PKHD1: variants seen among roughly 807,000 people sequenced by gnomAD.
PKHD1 encodes the protein PKHD1 ciliary IPT domain containing fibrocystin/polyductin.
Under a neutral mutation model 412.0 loss-of-function variants are expected in PKHD1, and 291 were observed. That is an observed-to-expected ratio of 0.71 (90% CI 0.64 to 0.78). PKHD1 has a LOEUF of 0.78. PKHD1 is among the 30% of genes least tolerant of loss of function. The pLI is 0.00. For missense variants in PKHD1, 4,825 were observed against 4,950.7 expected, an observed-to-expected ratio of 0.97 and a Z score of 0.76; for synonymous variants, 1,777 against 1,821.5, an observed-to-expected ratio of 0.98 and a Z score of 0.62.
chr6:52,045,313 G>C (rs1038069154), intron 24 of PKHD1, among the ~76,000 whole-genome samples: 2 of 152,214 alleles, frequency 1.3e-5, no homozygotes, highest in African/African-American at 4.8e-5. Context: ...ATTGCCAAAA[G>C]AGGTACAATA....
At chr6:51,870,938 A>G (rs1775897975) in intron 46 of PKHD1, among the ~76,000 whole-genome samples, 1 of 152,186 alleles carries the variant, frequency 6.6e-6, no homozygotes, top group African/African-American at 2.4e-5. Flanking sequence ...AAAATGTTCA[A>G]CATCATTATT....
At chr6:51,907,159 G>A (rs1012394940) in intron 40 of PKHD1, among the ~76,000 whole-genome samples, 1 of 152,094 alleles carries the variant, frequency 6.6e-6, no homozygotes, top group Non-Finnish European at 1.5e-5. Flanking sequence ...TCCATTATTT[G>A]AATAATTAAA....
intron 14 of PKHD1, among the ~76,000 whole-genome samples, chr6:52,060,788 T>C (rs145362561): frequency 4.2e-4 from 64 of 152,278 alleles, no homozygotes; most frequent in African/African-American, 1.4e-3. Flanking sequence ...ATCTTTATTT[T>C]TGAGATAATT....
At chr6:51,966,885 T>TTG (rs1792886566) in intron 35 of PKHD1, among the ~76,000 whole-genome samples, 5 of 149,882 alleles carry the variant, frequency 3.3e-5, no homozygotes, top group African/African-American at 1.2e-4. Context: ...GAGACTGCTC[T>TTG]GATTGGATTG....
intron 36 of PKHD1, among the ~76,000 whole-genome samples, chr6:51,938,735 A>G (rs1198684639): frequency 3.3e-5 from 5 of 151,544 alleles, no homozygotes; most frequent in Non-Finnish European, 7.4e-5. Flanking sequence ...TGGGAGATCA[A>G]TCCCCTGTCC....
At chr6:51,733,606 C>T (rs1455950445) in intron 60 of PKHD1, among the ~76,000 whole-genome samples, 3 of 151,484 alleles carry the variant, frequency 2.0e-5, no homozygotes, top group African/African-American at 4.9e-5. Context: ...AAAACATAAG[C>T]CAGTCTAAAA....
At chr6:51,713,724 A>G (rs1167385267) in intron 60 of PKHD1, among the ~76,000 whole-genome samples, 1 of 151,904 alleles carries the variant, frequency 6.6e-6, no homozygotes, top group African/African-American at 2.4e-5. Context: ...GCTATTTAAG[A>G]TTTCTCTGGT....
rs149174978 is a variant in PKHD1 at position 51,787,987 on chromosome 6, G to A, written c.8440+3249C>T. On this transcript the variant is annotated intron_variant, in intron 53 of 66. Coordinates refer to ENST00000371117, the MANE Select transcript of PKHD1 (RefSeq NM_138694.4). ...GATTTTACAGAATAGTAAACAAATG[G>A]GCAAATGGCAGTAATCTGTGAGGAA... 3.3e-5 allele frequency among the ~76,000 whole-genome samples: 5 copies of A among 152,186 alleles called. No individual in the cohort carries two copies. In the East Asian group the frequency reaches 9.7e-4, roughly 29 times the overall value.
chr6:51,666,813 C>A (rs562299169), intron 60 of PKHD1, among the ~76,000 whole-genome samples: 1 of 151,134 alleles, frequency 6.6e-6, no homozygotes, highest in African/African-American at 2.4e-5. Context: ...TTTGTTCTTG[C>A]GATAGTTTAC....
chr6:51,645,759 T>C (rs1385895707), intron 63 of PKHD1, among the ~76,000 whole-genome samples: 1 of 152,216 alleles, frequency 6.6e-6, no homozygotes, highest in African/African-American at 2.4e-5. Context: ...TCATCTAAAA[T>C]AGCAACACAA....
chr6:51,865,088 C>A (rs1332664505), intron 48 of PKHD1, among the ~76,000 whole-genome samples: 7 of 152,132 alleles, frequency 4.6e-5, no homozygotes, highest in African/African-American at 1.7e-4. Flanking sequence ...CTACCCCTGT[C>A]TCACCAGGAA....
chr6:51,994,990 C>G (rs1797553696), intron 35 of PKHD1, among the ~76,000 whole-genome samples: 1 of 152,200 alleles, frequency 6.6e-6, no homozygotes, highest in Non-Finnish European at 1.5e-5. Flanking sequence ...TACCACCTCC[C>G]TCTGTAACTT....
intron 47 of PKHD1, among the ~76,000 whole-genome samples, chr6:51,869,805 A>G (rs1775687387): frequency 6.6e-6 from 1 of 152,114 alleles, no homozygotes; most frequent in Non-Finnish European, 1.5e-5. Flanking sequence ...TAAAGTGGAG[A>G]CTTGTTGATT....
chr6:51,907,985 CAAGG>C (rs1414209519), intron 40 of PKHD1, among the ~76,000 whole-genome samples: 1 of 152,060 alleles, frequency 6.6e-6, no homozygotes, highest in Non-Finnish European at 1.5e-5. Context: ...AAAATTTGAT[CAAGG>C]AAGGGCTTTG....
At chr6:51,848,132 T>C (rs1388252495) in intron 49 of PKHD1, among the ~76,000 whole-genome samples, 162 bp from the exon 50 acceptor site, 1 of 152,150 alleles carries the variant, frequency 6.6e-6, no homozygotes, top group Non-Finnish European at 1.5e-5. Context: ...TTGTGGGAAA[T>C]GGGAATACTT....
intron 36 of PKHD1, among the ~76,000 whole-genome samples, chr6:51,948,692 T>C (rs1454774509): frequency 6.6e-6 from 1 of 152,072 alleles, no homozygotes; most frequent in Admixed American, 6.5e-5. Context: ...TCAAAGTAAA[T>C]GAGGTCTCCC....
intron 60 of PKHD1, among the ~76,000 whole-genome samples, chr6:51,739,252 G>A (rs1228873807): frequency 2.6e-5 from 4 of 151,134 alleles, no homozygotes; most frequent in Non-Finnish European, 5.9e-5. Context: ...TTGTTTTAGA[G>A]ACAGGTCTCA....
chr6:52,003,350 A>G (rs2128103023), intron 35 of PKHD1, among the ~76,000 whole-genome samples: 1 of 152,342 alleles, frequency 6.6e-6, no homozygotes, highest in East Asian at 1.9e-4. Context: ...TAAAGACCAC[A>G]GCTTTAATCA....
intron 60 of PKHD1, among the ~76,000 whole-genome samples, chr6:51,671,312 T>G (rs1335706160): frequency 6.6e-6 from 1 of 152,234 alleles, no homozygotes; most frequent in Non-Finnish European, 1.5e-5. Flanking sequence ...CTTCCATCAC[T>G]GATACCCTGT....
Sources: allele counts gnomAD v4.1 joint callset (sites outside exome capture counted in the v4.1 genomes callset), GRCh38; gene constraint gnomAD v4.1.1; transcripts MANE v1.5; gene names NCBI Gene and HGNC (gene_info 2026-07-23, HGNC 2026-07-21).